The following WNK2 variants were observed in gnomAD, a reference collection of about 807,000 sequenced individuals.
The protein encoded by WNK2 is WNK lysine deficient protein kinase 2, also known as serine/threonine-protein kinase WNK2.
In WNK2, 67 loss-of-function variants were observed where a neutral mutation model predicts 192.1. The observed-to-expected ratio is 0.35, with a 90% CI of 0.29 to 0.43. WNK2 has a LOEUF of 0.43. WNK2 is among the 20% of genes least tolerant of loss of function. The pLI is 1.00. For missense variants in WNK2, 2,698 were observed against 3,089.7 expected, an observed-to-expected ratio of 0.87 and a Z score of 3.01; for synonymous variants, 1,439 against 1,393.9, an observed-to-expected ratio of 1.03 and a Z score of -0.72.
At chr9:93,188,637 T>A (rs1432064691) in intron 2 of WNK2, among the ~76,000 whole-genome samples, 1 of 152,200 alleles carries the variant, frequency 6.6e-6, no homozygotes, top group Non-Finnish European at 1.5e-5. Flanking sequence ...ACATGTCCTG[T>A]GTTCCTGTGG....
Position 93,262,116 on chromosome 9 carries a change from C to T in WNK2, c.3360+9C>T. 2 of 1,571,326 alleles carry T rather than the reference C, an allele frequency of 1.3e-6. 1 individual carries two copies. The highest frequency in any genetic ancestry group is 1.7e-6 in the Non-Finnish European group (2 of 1,152,984). The stretch of plus-strand genomic sequence containing the variant: ...TGGAACCAGTCCAAGAGGTGTGTGC[C>T]CCTCCCCCCAGCCTGTCCCATGACT... On this transcript the variant is annotated intron_variant, in intron 13 of 29. Coordinates refer to ENST00000427277, the MANE Select transcript of WNK2 (RefSeq NM_006648.4).
chr9:93,291,264 G>A (rs1849300520), intron 21 of WNK2, among the ~76,000 whole-genome samples: 1 of 152,178 alleles, frequency 6.6e-6, no homozygotes, highest in Non-Finnish European at 1.5e-5. Context: ...TCTGAGATGT[G>A]TCCGTCCCAT....
At chr9:93,261,734 T>C in intron 12 of WNK2, 80 bp from the exon 13 acceptor site, 2 of 1,503,520 alleles carry the variant, frequency 1.3e-6, no homozygotes, top group South Asian at 2.5e-5. Context: ...GGCCTGGGTA[T>C]TCCCAGACAC....
chr9:93,241,190 A>G (rs1377456713), intron 7 of WNK2, among the ~76,000 whole-genome samples: 1 of 152,274 alleles, frequency 6.6e-6, no homozygotes, highest in Non-Finnish European at 1.5e-5. Context: ...GTTACAAAAC[A>G]TGAACAAACG....
intron 2 of WNK2, among the ~76,000 whole-genome samples, chr9:93,190,699 C>T (rs572910579): frequency 5.3e-4 from 80 of 152,318 alleles, no homozygotes; most frequent in Non-Finnish European, 1.3e-4. Context: ...GTCCACAGGC[C>T]CTGCGGAGTG....
At position 93,187,461 on chromosome 9, in the gene WNK2, A is replaced by G. The variant is rs111395143; in HGVS notation, c.681+1851A>G. 2.3e-3 allele frequency among the ~76,000 whole-genome samples: 357 copies of G among 152,288 alleles called. 3 individuals are homozygous for G. Among genetic ancestry groups the G allele is most frequent in the Non-Finnish European group, 4.3e-3 (291 of 68,024 alleles). The stretch of plus-strand genomic sequence containing the variant: ...GTTTCCCTGCATCTCCCCCAAAAGA[A>G]GTACCTCCAACATTTGTCCCTAGTC... On this transcript the variant is annotated intron_variant, in intron 2 of 29. Coordinates refer to ENST00000427277, the MANE Select transcript of WNK2 (RefSeq NM_006648.4).
At chr9:93,290,124 C>A in intron 21 of WNK2, 77 bp downstream of exon 21, 1 of 1,314,642 alleles carries the variant, frequency 7.6e-7, no homozygotes, top group Non-Finnish European at 1.1e-6. Context: ...TGCATCCGCA[C>A]CCTCGTCTTT....
chr9:93,282,891 C>T (rs7848843), intron 19 of WNK2, among the ~76,000 whole-genome samples: 18,784 of 152,062 alleles, frequency 0.12, 1,259 homozygotes, highest in African/African-American at 0.16. Context: ...TTTAACTTTA[C>T]GCAGACCCAA....
chr9:93,318,580 A>G, intron 29 of WNK2: 1 of 1,610,394 alleles, frequency 6.2e-7, no homozygotes, highest in South Asian at 1.1e-5. Context: ...TGTGTTGGGC[A>G]TAGAAACCCT....
At chr9:93,235,608 A>T (rs1158566756) in intron 5 of WNK2, among the ~76,000 whole-genome samples, 1 of 152,226 alleles carries the variant, frequency 6.6e-6, no homozygotes, top group Non-Finnish European at 1.5e-5. Flanking sequence ...GAACATCTGG[A>T]AATGGAATGG....
intron 19 of WNK2, among the ~76,000 whole-genome samples, chr9:93,277,251 A>T (rs1040202406): frequency 2.6e-5 from 4 of 152,184 alleles, no homozygotes; most frequent in Non-Finnish European, 5.9e-5. Flanking sequence ...AACAGCTGGA[A>T]CTCATACATT....
At chr9:93,273,261 G>A (rs904302601) in intron 19 of WNK2, among the ~76,000 whole-genome samples, 8 of 152,318 alleles carry the variant, frequency 5.3e-5, no homozygotes, top group South Asian at 2.1e-4. Context: ...AGATTCAGGC[G>A]ATTCTCCTGC....
At chr9:93,198,469 G>A (rs1831692096) in intron 2 of WNK2, among the ~76,000 whole-genome samples, 1 of 152,194 alleles carries the variant, frequency 6.6e-6, no homozygotes. Flanking sequence ...AGGGCGTAGG[G>A]GCAGGGCTAT....
At chr9:93,202,366 G>GTGTGTGTGTT (rs924365964) in intron 2 of WNK2, among the ~76,000 whole-genome samples, 1 of 149,598 alleles carries the variant, frequency 6.7e-6, no homozygotes, top group African/African-American at 2.5e-5. Flanking sequence ...GTGTGTGTGT[G>GTGTGTGTGTT]TATGTCTCGT....
intron 10 of WNK2, 146 bp from the exon 11 acceptor site, chr9:93,256,801 CA>C (rs1843372807): frequency 1.3e-6 from 1 of 778,672 alleles, no homozygotes; most frequent in Non-Finnish European, 2.0e-6. Context: ...TGTGACTGTG[CA>C]AGTGTGTGTG....
chr9:93,249,907 ATTTTTTTTTTTTTT>A (rs58293954), intron 8 of WNK2, among the ~76,000 whole-genome samples: 1 of 85,444 alleles, frequency 1.2e-5, no homozygotes, highest in Non-Finnish European at 2.0e-5. Context: ...GATGCTACCA[ATTTTTTTTTTTTTT>A]TTTTTTTTTT....
At chr9:93,263,220 G>T (rs1398593385) in intron 14 of WNK2, 5 of 426,062 alleles carry the variant, frequency 1.2e-5, no homozygotes, top group Non-Finnish European at 1.7e-5. Context: ...CTGCAAAACG[G>T]ATTGGCCTCA....
At chr9:93,277,392 C>T (rs1847091347) in intron 19 of WNK2, among the ~76,000 whole-genome samples, 1 of 152,168 alleles carries the variant, frequency 6.6e-6, no homozygotes, top group Non-Finnish European at 1.5e-5. Flanking sequence ...CTTATGTTCA[C>T]TTAAACATCT....
chr9:93,187,113 G>C (rs1425561238), intron 2 of WNK2, among the ~76,000 whole-genome samples: 3 of 152,212 alleles, frequency 2.0e-5, no homozygotes, highest in Non-Finnish European at 4.4e-5. Flanking sequence ...GCCTCTGCAG[G>C]GTGGTGGATG....
Sources: allele counts gnomAD v4.1 joint callset (sites outside exome capture counted in the v4.1 genomes callset), GRCh38; gene constraint gnomAD v4.1.1; transcripts MANE v1.5; gene names NCBI Gene and HGNC (gene_info 2026-07-23, HGNC 2026-07-21).